CAB39: variants seen among roughly 807,000 people sequenced by gnomAD.
CAB39 encodes calcium-binding protein 39.
CAB39 carries 8 observed loss-of-function variants against 40.0 expected under a neutral mutation model. The observed-to-expected ratio is 0.20, with a 90% CI of 0.12 to 0.36. CAB39 has a LOEUF of 0.36. Ranked by LOEUF, CAB39 falls within the 10% of genes least tolerant of loss-of-function variation. The probability of loss-of-function intolerance (pLI) is 1.00; values close to 1 mark genes in which losing one functional copy is unlikely to be tolerated. For synonymous variants in CAB39, 156 were observed against 141.6 expected (o/e 1.10, Z -0.72); for missense variants, 270 against 401.1 (o/e 0.67, Z 2.79).
At chr2:230,785,939 C>T (rs113037048) in intron 2 of CAB39, among the ~76,000 whole-genome samples, 21,599 of 151,096 alleles carry the variant, frequency 0.14, 2,247 homozygotes, top group African/African-American at 0.3. Context: ...CCGAGGCAGG[C>T]GGATCACAAG....
intron 1 of CAB39, among the ~76,000 whole-genome samples, chr2:230,730,445 CTTTTT>C (rs11344642): frequency 7.8e-6 from 1 of 127,894 alleles, no homozygotes. Flanking sequence ...GAAAACTTTT[CTTTTT>C]TTTTTTTTTT....
rs752039642 is a variant in CAB39 at position 230,817,881 on chromosome 2, C to T, written c.821C>T (p.Ala274Val). The change falls in exon 8 of 9, where the codon GCC (alanine) becomes GTC (valine). Residue 274 changes from alanine to valine, a missense_variant. By Grantham distance (64) the Ala-to-Val change is moderately conservative. Coordinates refer to ENST00000258418, the MANE Select transcript of CAB39 (RefSeq NM_016289.4). ...AAAAGTCGCAACATCCAGTTTGAGG[C>T]CTTTCACGTTTTTAAGGTAGAGTAC... ...RDKSRNIQFE[A>V]FHVFKVFVAN... 1 of 1,611,006 alleles carries T rather than the reference C, an allele frequency of 6.2e-7. No homozygotes were observed. Among genetic ancestry groups the T allele is most frequent in the Non-Finnish European group, 8.5e-7 (1 of 1,179,262 alleles).
intron 1 of CAB39, among the ~76,000 whole-genome samples, chr2:230,751,780 T>C (rs1695089480): frequency 6.6e-6 from 1 of 152,040 alleles, no homozygotes; most frequent in Non-Finnish European, 1.5e-5. Flanking sequence ...GAGAAGAGAG[T>C]AGACTTCAGT....
chr2:230,776,536 T>G (rs1293952585), intron 2 of CAB39, among the ~76,000 whole-genome samples: 1 of 152,202 alleles, frequency 6.6e-6, no homozygotes, highest in Admixed American at 6.5e-5. Flanking sequence ...GTTAAATAAA[T>G]AGAATCATAT....
At chr2:230,775,871 A>G (rs1389284128) in intron 2 of CAB39, among the ~76,000 whole-genome samples, 1 of 152,180 alleles carries the variant, frequency 6.6e-6, no homozygotes, top group Admixed American at 6.5e-5. Context: ...AATCCAGTAG[A>G]GGAGATACAC....
chr2:230,776,009 G>A (rs1420265814), intron 2 of CAB39, among the ~76,000 whole-genome samples: 1 of 152,186 alleles, frequency 6.6e-6, no homozygotes, highest in African/African-American at 2.4e-5. Flanking sequence ...TGACGTTTAA[G>A]CTGATTTTTA....
At chr2:230,784,339 A>T (rs969796079) in intron 2 of CAB39, among the ~76,000 whole-genome samples, 1 of 152,132 alleles carries the variant, frequency 6.6e-6, no homozygotes, top group East Asian at 1.9e-4. Context: ...TTACGAGTGG[A>T]GACATTTTGA....
chr2:230,738,251 A>G (rs1027844509), intron 1 of CAB39, among the ~76,000 whole-genome samples: 4 of 152,160 alleles, frequency 2.6e-5, no homozygotes, highest in Non-Finnish European at 5.9e-5. Context: ...AAGTCCTGAA[A>G]CACCTAGCGA....
At chr2:230,785,118 C>T (rs1437749795) in intron 2 of CAB39, among the ~76,000 whole-genome samples, 1 of 152,190 alleles carries the variant, frequency 6.6e-6, no homozygotes, top group Non-Finnish European at 1.5e-5. Context: ...ATTTGGAATA[C>T]ATACATATAC....
intron 1 of CAB39, among the ~76,000 whole-genome samples, chr2:230,749,920 T>C (rs1271453401): frequency 6.6e-6 from 1 of 152,114 alleles, no homozygotes; most frequent in Non-Finnish European, 1.5e-5. Context: ...TGCATAAGAG[T>C]TGCTAAAAAC....
intron 1 of CAB39, among the ~76,000 whole-genome samples, chr2:230,714,235 A>C (rs1312735916): frequency 3.3e-5 from 5 of 152,164 alleles, no homozygotes; most frequent in African/African-American, 1.2e-4. Context: ...CTTAGAGCTC[A>C]TTTCTCAGTG....
intron 1 of CAB39, among the ~76,000 whole-genome samples, chr2:230,745,693 C>G (rs1448795797): frequency 6.6e-6 from 1 of 152,032 alleles, no homozygotes; most frequent in Non-Finnish European, 1.5e-5. Flanking sequence ...GTGGTGCCAT[C>G]TCAGCTCACG....
At chr2:230,770,079 AAAG>A (rs1022658369) in intron 2 of CAB39, among the ~76,000 whole-genome samples, 5 of 152,328 alleles carry the variant, frequency 3.3e-5, no homozygotes, top group Admixed American at 2.6e-4. Context: ...ATATATTTAA[AAAG>A]AAGAAAGGTC....
At chr2:230,735,530 G>A (rs1358273410) in intron 1 of CAB39, among the ~76,000 whole-genome samples, 1 of 142,276 alleles carries the variant, frequency 7.0e-6, no homozygotes, top group Non-Finnish European at 1.5e-5. Flanking sequence ...GGGGGGATGG[G>A]GGGGACAGAG....
chr2:230,786,162 TCA>T (rs1695788975), intron 2 of CAB39, among the ~76,000 whole-genome samples: 1 of 62,576 alleles, frequency 1.6e-5, no homozygotes, highest in African/African-American at 9.5e-5. Flanking sequence ...AGACTCTGTC[TCA>T]AAAAAAAAAA....
At chr2:230,730,790 T>C (rs978480745) in intron 1 of CAB39, among the ~76,000 whole-genome samples, 5 of 152,174 alleles carry the variant, frequency 3.3e-5, no homozygotes, top group African/African-American at 4.8e-5. Context: ...CAGGTTTATT[T>C]TCATTGCTGT....
At chr2:230,743,685 G>A (rs899082825) in intron 1 of CAB39, among the ~76,000 whole-genome samples, 4 of 152,088 alleles carry the variant, frequency 2.6e-5, no homozygotes, top group South Asian at 2.1e-4. Flanking sequence ...AAGAGTACTC[G>A]CTTTGATGGC....
chr2:230,757,722 G>A (rs756561876), intron 1 of CAB39, among the ~76,000 whole-genome samples: 2 of 152,108 alleles, frequency 1.3e-5, no homozygotes, highest in Non-Finnish European at 2.9e-5. Context: ...GCTATTATTT[G>A]CAGAGTTACA....
intron 1 of CAB39, among the ~76,000 whole-genome samples, chr2:230,756,250 A>G (rs1157557450): frequency 1.3e-5 from 2 of 152,260 alleles, no homozygotes; most frequent in Non-Finnish European, 2.9e-5. Flanking sequence ...CCTAGATAGT[A>G]TAGTCAACTA....
Sources: gnomAD v4.1 joint callset for allele counts (sites outside exome capture counted in the v4.1 genomes callset) on GRCh38, gnomAD v4.1.1 for gene constraint, MANE v1.5 for transcripts, NCBI Gene and HGNC (gene_info 2026-07-23, HGNC 2026-07-21) for gene names.